SLC14A2: variants seen among roughly 807,000 people sequenced by gnomAD.
SLC14A2 encodes the protein solute carrier family 14 member 2.
Under a neutral mutation model 104.6 loss-of-function variants are expected in SLC14A2, and 91 were observed. The ratio of observed to expected loss-of-function variants is 0.87; its 90% CI spans 0.73 to 1.04. The LOEUF is 1.04. SLC14A2 is among the 50% of genes least tolerant of loss of function. The pLI, the probability that SLC14A2 is intolerant of heterozygous loss-of-function variation, is 0.00. For missense variants in SLC14A2, 1,189 were observed against 1,156.0 expected (o/e 1.03, Z -0.41); for synonymous variants, 476 against 466.4 (o/e 1.02, Z -0.27).
chr18:45,463,361 A>T (rs1258853368), intron 1 of SLC14A2, among the ~76,000 whole-genome samples: 1 of 152,228 alleles, frequency 6.6e-6, no homozygotes. Flanking sequence ...ATGTTCAGTT[A>T]GGGACACAGA....
intron 1 of SLC14A2, among the ~76,000 whole-genome samples, chr18:45,451,009 C>T (rs1162689907): frequency 3.3e-5 from 5 of 152,236 alleles, no homozygotes; most frequent in East Asian, 1.9e-4. Context: ...GGTGTTTATA[C>T]ACCAGCTCCC....
At chr18:45,658,838 G>A (rs1269949488) in intron 10 of SLC14A2, among the ~76,000 whole-genome samples, 1 of 151,976 alleles carries the variant, frequency 6.6e-6, no homozygotes, top group African/African-American at 2.4e-5. Flanking sequence ...AGAGGCATGA[G>A]TCCTTCAGGA....
intron 2 of SLC14A2, among the ~76,000 whole-genome samples, chr18:45,563,364 G>A (rs1190305376): frequency 2.0e-5 from 3 of 152,208 alleles, no homozygotes; most frequent in African/African-American, 7.2e-5. Flanking sequence ...CCAGTGTTGT[G>A]GGGCCAGAAG....
chr18:45,252,362 T>A (rs1196187793), intron 1 of SLC14A2, among the ~76,000 whole-genome samples: 1 of 152,242 alleles, frequency 6.6e-6, no homozygotes, highest in Non-Finnish European at 1.5e-5. Flanking sequence ...CTGGACTTTT[T>A]GCATTTTGCC....
At chr18:45,331,559 C>G (rs924686264) in intron 1 of SLC14A2, among the ~76,000 whole-genome samples, 11 of 151,852 alleles carry the variant, frequency 7.2e-5, no homozygotes, top group African/African-American at 2.4e-4. Context: ...GGCGTGGTGG[C>G]GGACACCTGT....
At chr18:45,322,950 G>A (rs574802394) in intron 1 of SLC14A2, among the ~76,000 whole-genome samples, 11 of 152,182 alleles carry the variant, frequency 7.2e-5, no homozygotes, top group Admixed American at 2.6e-4. Flanking sequence ...TAATTATTTC[G>A]AAATCAAAAT....
intron 1 of SLC14A2, among the ~76,000 whole-genome samples, chr18:45,328,918 C>T (rs1465592337): frequency 6.6e-6 from 1 of 152,208 alleles, no homozygotes; most frequent in Non-Finnish European, 1.5e-5. Flanking sequence ...TTTCACATTT[C>T]TCCAGTGAAG....
intron 1 of SLC14A2, among the ~76,000 whole-genome samples, chr18:45,401,445 C>T (rs1214571755): frequency 6.6e-6 from 1 of 152,074 alleles, no homozygotes; most frequent in Non-Finnish European, 1.5e-5. Flanking sequence ...GGGGAGTATG[C>T]ATAATGGCCC....
chr18:45,196,303 CTT>C, the SLC14A2 span, among the ~76,000 whole-genome samples: 14 of 152,150 alleles, frequency 9.2e-5, no homozygotes, highest in South Asian at 1.0e-3. Flanking sequence ...TTTGCTGAGA[CTT>C]TTTTTCATTC....
intron 1 of SLC14A2, among the ~76,000 whole-genome samples, chr18:45,296,673 G>A (rs1196858149): frequency 6.6e-6 from 1 of 152,148 alleles, no homozygotes; most frequent in Admixed American, 6.5e-5. Context: ...CAGCTCTGTA[G>A]GCCCACTGGT....
intron 1 of SLC14A2, among the ~76,000 whole-genome samples, chr18:45,216,614 G>A (rs1466716668): frequency 6.6e-6 from 1 of 152,148 alleles, no homozygotes; most frequent in South Asian, 2.1e-4. Context: ...ACTTTCTGCG[G>A]TATATGGGAA....
chr18:45,410,133 C>T (rs568744555), intron 1 of SLC14A2, among the ~76,000 whole-genome samples: 22 of 152,156 alleles, frequency 1.4e-4, no homozygotes, highest in South Asian at 2.1e-4. Context: ...AATCTAATGC[C>T]GCTGCTGATC....
intron 2 of SLC14A2, among the ~76,000 whole-genome samples, chr18:45,563,283 T>C (rs2044226204): frequency 1.3e-5 from 2 of 152,220 alleles, no homozygotes; most frequent in Non-Finnish European, 2.9e-5. Flanking sequence ...AAGTCTGTGC[T>C]GGCAGCCACA....
chr18:45,288,416 G>A (rs921076112), intron 1 of SLC14A2, among the ~76,000 whole-genome samples: 1 of 152,188 alleles, frequency 6.6e-6, no homozygotes, highest in African/African-American at 2.4e-5. Context: ...AGCAACGATG[G>A]TGACAATAAT....
chr18:45,250,911 A>G (rs536006386), intron 1 of SLC14A2, among the ~76,000 whole-genome samples: 121 of 152,274 alleles, frequency 7.9e-4, no homozygotes, highest in Non-Finnish European at 1.3e-3. Context: ...AAAAGTGTGT[A>G]GGTCCTACCA....
At chr18:45,519,988 C>T (rs2043494782) in intron 2 of SLC14A2, among the ~76,000 whole-genome samples, 1 of 152,222 alleles carries the variant, frequency 6.6e-6, no homozygotes, top group African/African-American at 2.4e-5. Flanking sequence ...GAGCTAGCAG[C>T]TACTGCCACT....
chr18:45,288,694 G>C (rs2084839766), intron 1 of SLC14A2, among the ~76,000 whole-genome samples: 1 of 152,112 alleles, frequency 6.6e-6, no homozygotes, highest in South Asian at 2.1e-4. Context: ...CAATTCTGAG[G>C]GTCAACTGAG....
chr18:45,213,116 AT>A (rs2083975824), exon 1 of SLC14A2: 1 of 152,170 alleles, frequency 6.6e-6, no homozygotes, highest in African/African-American at 2.4e-5. Flanking sequence ...TCATTGAAGT[AT>A]TTGCACCTCT....
intron 1 of SLC14A2, among the ~76,000 whole-genome samples, chr18:45,400,781 T>C (rs2086087426): frequency 1.3e-5 from 2 of 152,214 alleles, no homozygotes; most frequent in East Asian, 3.8e-4. Flanking sequence ...TTAATTCATT[T>C]GTTTGTTTAT....
Sources: allele counts gnomAD v4.1 joint callset (sites outside exome capture counted in the v4.1 genomes callset), GRCh38; gene constraint gnomAD v4.1.1; transcripts MANE v1.5; gene names NCBI Gene and HGNC (gene_info 2026-07-23, HGNC 2026-07-21).